NCKAP5: variants seen among roughly 807,000 people sequenced by gnomAD.
The protein encoded by NCKAP5 is nck-associated protein 5.
A neutral mutation model predicts 167.0 loss-of-function variants in NCKAP5; 92 were observed. The ratio of observed to expected loss-of-function variants is 0.55; its 90% CI spans 0.47 to 0.66. The LOEUF is 0.66. Ranked by LOEUF, NCKAP5 falls within the 30% of genes least tolerant of loss-of-function variation. The probability of loss-of-function intolerance (pLI) is 0.00; values close to 1 mark genes in which losing one functional copy is unlikely to be tolerated. For missense variants in NCKAP5, 2,378 were observed against 2,315.0 expected, an observed-to-expected ratio of 1.03 and a Z score of -0.56; for synonymous variants, 891 against 877.4, an observed-to-expected ratio of 1.02 and a Z score of -0.27.
chr2:133,339,734 T>C (rs1314169229), intron 3 of NCKAP5, among the ~76,000 whole-genome samples: 1 of 152,230 alleles, frequency 6.6e-6, no homozygotes, highest in Admixed American at 6.5e-5. Flanking sequence ...ACTGATAAAA[T>C]GCTATGCATG....
Position 132,796,698 on chromosome 2 carries a change from G to A in NCKAP5, c.839C>T (p.Ser280Phe), listed in dbSNP as rs759301018. The A allele has an allele frequency of 1.9e-6, 3 of 1,613,164 alleles. No individual in the cohort carries two copies. Among genetic ancestry groups the A allele is most frequent in the Non-Finnish European group, 2.5e-6 (3 of 1,179,558 alleles). ...KLHSRLLDLSSGDLLSEVERN... is the reference protein window; with the variant it reads ...KLHSRLLDLSFGDLLSEVERN... ...TTCCACCTCTGAAAGCAAATCTCCA[G>A]ATGAAAGATCCAAGAGACGTGAGTG... is the stretch of plus-strand genomic sequence containing the variant. The change falls in exon 12 of 20, where the codon TCT (serine) becomes TTT (phenylalanine). Residue 280 changes from serine to phenylalanine, a missense_variant. Transcript: ENST00000409261.
At chr2:133,221,183 T>G (rs778226875) in intron 4 of NCKAP5, among the ~76,000 whole-genome samples, 4 of 152,118 alleles carry the variant, frequency 2.6e-5, no homozygotes, top group Non-Finnish European at 5.9e-5. Context: ...TAAACATGCT[T>G]ACATATGAAT....
chr2:132,852,644 G>A (rs1238550666), intron 11 of NCKAP5, among the ~76,000 whole-genome samples: 1 of 152,192 alleles, frequency 6.6e-6, no homozygotes, highest in Admixed American at 6.5e-5. Flanking sequence ...TAGTCTTACA[G>A]CTATAATTAA....
rs186716429 is a variant in NCKAP5 at position 132,854,882 on chromosome 2, T to C, written c.807+5610A>G. Among the ~76,000 whole-genome samples, 312 of 152,192 alleles carry C rather than the reference T, an allele frequency of 2.1e-3. 1 individual carries two copies. The highest frequency in any genetic ancestry group is 3.1e-3 in the Non-Finnish European group (213 of 68,008). Reference sequence around the variant, plus strand: ...AAAAATGACATACAAAGTGGAACAGTTGAAGGAAAACCTATGTCATGCTCT... The same window carrying C: ...AAAAATGACATACAAAGTGGAACAGCTGAAGGAAAACCTATGTCATGCTCT... On this transcript the variant is annotated intron_variant, in intron 11 of 19. Transcript: ENST00000409261.
the NCKAP5 span, among the ~76,000 whole-genome samples, chr2:133,671,960 C>G: frequency 0.19 from 28,223 of 152,118 alleles, 3,963 homozygotes; most frequent in African/African-American, 0.39. Context: ...ACAGATGGTG[C>G]TGTTACTGAA....
chr2:133,483,632 G>A (rs1338019495), intron 3 of NCKAP5, among the ~76,000 whole-genome samples: 1 of 151,036 alleles, frequency 6.6e-6, no homozygotes, highest in Non-Finnish European at 1.5e-5. Flanking sequence ...AAAAAAGGGG[G>A]GGGGGCTTTT....
rs141177613 is a variant in NCKAP5, at chr2:133,041,329, C to G, written c.342-47090G>C. On this transcript the variant is annotated intron_variant, in intron 6 of 19. Coordinates refer to ENST00000409261, the MANE Select transcript of NCKAP5 (RefSeq NM_207363.3). ...CATGTCTTCTCTCTACAGGAAATCA[C>G]AAAGCCAGACACTATAATGAACAAG... Among the ~76,000 whole-genome samples the G allele has an allele frequency of 7.8e-3, 1,184 of 152,240 alleles. 2 individuals carry two copies. Among genetic ancestry groups the G allele is most frequent in the South Asian group, 0.014 (68 of 4,818 alleles).
At chr2:133,288,286 C>A (rs1362713817) in intron 4 of NCKAP5, among the ~76,000 whole-genome samples, 1 of 152,188 alleles carries the variant, frequency 6.6e-6, no homozygotes, top group East Asian at 1.9e-4. Flanking sequence ...TCTGATCCAA[C>A]TCTAAGAACT....
At chr2:133,437,647 G>A (rs1690577485) in intron 3 of NCKAP5, among the ~76,000 whole-genome samples, 1 of 152,192 alleles carries the variant, frequency 6.6e-6, no homozygotes, top group East Asian at 1.9e-4. Flanking sequence ...CCCAGCCAGC[G>A]TCAGTTCTCA....
chr2:133,290,297 T>TA (rs984505928), intron 4 of NCKAP5, among the ~76,000 whole-genome samples: 1 of 152,234 alleles, frequency 6.6e-6, no homozygotes, highest in Non-Finnish European at 1.5e-5. Flanking sequence ...CATGAATTTT[T>TA]AAAAATCTAA....
At chr2:133,262,399 C>A (rs1026039030) in intron 4 of NCKAP5, among the ~76,000 whole-genome samples, 1 of 152,216 alleles carries the variant, frequency 6.6e-6, no homozygotes, top group East Asian at 1.9e-4. Context: ...CAACACAACA[C>A]AAAATGATTA....
At chr2:133,109,638 G>T (rs1002619122) in intron 6 of NCKAP5, among the ~76,000 whole-genome samples, 2 of 151,994 alleles carry the variant, frequency 1.3e-5, no homozygotes, top group Non-Finnish European at 2.9e-5. Context: ...TAGTAATTTA[G>T]AGTTTGATAT....
At chr2:133,594,549 T>C in the NCKAP5 span, among the ~76,000 whole-genome samples, 1 of 152,184 alleles carries the variant, frequency 6.6e-6, no homozygotes, top group Non-Finnish European at 1.5e-5. Context: ...GACATGACAC[T>C]GAACTGAGAG....
intron 19 of NCKAP5, among the ~76,000 whole-genome samples, chr2:132,715,042 T>C (rs988037542): frequency 6.6e-6 from 1 of 152,174 alleles, no homozygotes; most frequent in African/African-American, 2.4e-5. Flanking sequence ...TAAGTGTATA[T>C]CTCTAGGTTT....
At chr2:133,002,262 A>T (rs2077810386) in intron 6 of NCKAP5, among the ~76,000 whole-genome samples, 1 of 152,200 alleles carries the variant, frequency 6.6e-6, no homozygotes, top group Admixed American at 6.5e-5. Flanking sequence ...AAAACCCTGG[A>T]TACTACAAAG....
intron 6 of NCKAP5, among the ~76,000 whole-genome samples, chr2:133,088,618 A>AT (rs2149623474): frequency 6.6e-6 from 1 of 152,172 alleles, no homozygotes; most frequent in East Asian, 1.9e-4. Context: ...GCAATGTTCC[A>AT]TTTTATAACA....
intron 3 of NCKAP5, among the ~76,000 whole-genome samples, chr2:133,360,955 T>C (rs1372984114): frequency 7.0e-6 from 1 of 143,740 alleles, no homozygotes; most frequent in African/African-American, 2.6e-5. Context: ...AAAAAAAAAG[T>C]ACTAGCATAT....
At chr2:132,825,369 T>C (rs1479165106) in intron 11 of NCKAP5, among the ~76,000 whole-genome samples, 2 of 152,186 alleles carry the variant, frequency 1.3e-5, no homozygotes, top group Non-Finnish European at 2.9e-5. Flanking sequence ...GTTAACGATA[T>C]AGTTCACATC....
chr2:132,693,619 CTTTTTTTTTTTT>C (rs1185832600), intron 19 of NCKAP5, among the ~76,000 whole-genome samples: 2 of 84,470 alleles, frequency 2.4e-5, no homozygotes, highest in African/African-American at 1.1e-4. Context: ...CCCACCCCGC[CTTTTTTTTTTTT>C]TTTTTTTTTT....
Sources: allele counts gnomAD v4.1 joint callset (sites outside exome capture counted in the v4.1 genomes callset), GRCh38; gene constraint gnomAD v4.1.1; transcripts MANE v1.5; gene names NCBI Gene and HGNC (gene_info 2026-07-23, HGNC 2026-07-21).